Variants in ABCA12 observed in about 807,000 individuals in gnomAD.
ABCA12 encodes glucosylceramide transporter ABCA12.
Under a neutral mutation model 293.5 loss-of-function variants are expected in ABCA12, and 156 were observed. The observed-to-expected ratio is 0.53, with a 90% CI of 0.47 to 0.61. The LOEUF (loss-of-function observed/expected upper bound fraction) is 0.61. Among genes scored for constraint, ABCA12 ranks in the 20% least tolerant of loss-of-function variants. ABCA12 has a pLI of 0.00. For missense variants in ABCA12, 2,797 were observed against 3,090.2 expected (o/e 0.91, Z 2.25); for synonymous variants, 1,063 against 1,108.0 (o/e 0.96, Z 0.81).
chr2:215,088,916 A>G (rs1244477398), intron 2 of ABCA12, among the ~76,000 whole-genome samples: 1 of 152,130 alleles, frequency 6.6e-6, no homozygotes, highest in Admixed American at 6.6e-5. Flanking sequence ...TCATTGATTT[A>G]ACCATTCCAT....
chr2:215,066,408 A>G (rs1235783024), intron 2 of ABCA12, among the ~76,000 whole-genome samples: 1 of 152,120 alleles, frequency 6.6e-6, no homozygotes. Flanking sequence ...GAAAAAAATG[A>G]GACACTCAAG....
intron 9 of ABCA12, chr2:215,030,011 T>C (rs1423606670): frequency 6.6e-6 from 1 of 152,208 alleles, no homozygotes; most frequent in Admixed American, 6.5e-5. Flanking sequence ...ATTTTAAAGC[T>C]GGAATGGAAA....
chr2:214,935,074 G>A (rs962946714), intron 51 of ABCA12, among the ~76,000 whole-genome samples: 1 of 152,126 alleles, frequency 6.6e-6, no homozygotes, highest in Non-Finnish European at 1.5e-5. Context: ...CAGTGCATCA[G>A]ATCATGACCA....
chr2:215,096,911 A>T (rs542619383), intron 2 of ABCA12, among the ~76,000 whole-genome samples: 1 of 152,150 alleles, frequency 6.6e-6, no homozygotes, highest in African/African-American at 2.4e-5. Context: ...CTCATTTCCC[A>T]GTAGAATCTA....
intron 2 of ABCA12, among the ~76,000 whole-genome samples, chr2:215,079,954 C>T (rs1402280811): frequency 1.3e-5 from 2 of 152,086 alleles, no homozygotes. Context: ...TACCATTTAT[C>T]GTATTCCTAA....
intron 1 of ABCA12, among the ~76,000 whole-genome samples, chr2:215,135,845 T>C (rs554052511): frequency 7.2e-5 from 11 of 152,288 alleles, no homozygotes; most frequent in Non-Finnish European, 1.3e-4. Context: ...CATATATCCT[T>C]CCCACACGTG....
intron 8 of ABCA12, among the ~76,000 whole-genome samples, chr2:215,033,664 G>A (rs1205559740): frequency 2.6e-5 from 4 of 152,018 alleles, no homozygotes; most frequent in African/African-American, 4.8e-5. Flanking sequence ...TTCACAGGCC[G>A]GGCACAGTGG....
chr2:215,110,232 T>C (rs553789030), intron 2 of ABCA12, among the ~76,000 whole-genome samples: 50 of 152,256 alleles, frequency 3.3e-4, no homozygotes, highest in South Asian at 6.2e-4. Context: ...CACTGTTGGC[T>C]GGGCGCGGTG....
rs374035247 is a variant in ABCA12, at chr2:214,979,055, T to C, written c.4741-15A>G. 13 of 1,608,758 alleles carry C rather than the reference T, an allele frequency of 8.1e-6. No homozygotes were observed. In the African/African-American group the frequency reaches 1.3e-4, roughly 17 times the overall value. On this transcript the variant is annotated splice_polypyrimidine_tract_variant and intron_variant, in intron 31 of 52. Coordinates refer to ENST00000272895, the MANE Select transcript of ABCA12 (RefSeq NM_173076.3). The stretch of plus-strand genomic sequence containing the variant: ...AAATTTGGACTCTAAGAGAGAAAAG[T>C]AGGAATTAAAACACTCTCCTCTCTT...
chr2:214,974,115 A>C, intron 35 of ABCA12, 73 bp from the exon 36 acceptor site: 1 of 1,346,548 alleles, frequency 7.4e-7, no homozygotes, highest in South Asian at 1.2e-5. Flanking sequence ...GAGCATGTAA[A>C]CAAGTATTTG....
chr2:214,953,812 T>C, intron 44 of ABCA12, 42 bp downstream of exon 44: 1 of 1,603,320 alleles, frequency 6.2e-7, no homozygotes, highest in Admixed American at 1.7e-5. Context: ...TTGAATTGAG[T>C]TCTGTTTTAG....
At chr2:214,937,250 G>C (rs1413687634) in intron 51 of ABCA12, among the ~76,000 whole-genome samples, 2 of 152,166 alleles carry the variant, frequency 1.3e-5, no homozygotes, top group Non-Finnish European at 2.9e-5. Flanking sequence ...CCAGGCTGGA[G>C]TGCAGTGGCA....
At position 215,031,869 on chromosome 2, in the gene ABCA12, C is replaced by T; in HGVS notation, c.1013G>A (p.Trp338Ter). The T allele has an allele frequency of 6.2e-7, 1 of 1,613,972 alleles. No individual in the cohort carries two copies. The highest frequency in any genetic ancestry group is 8.5e-7 in the Non-Finnish European group (1 of 1,179,924). Residue 338 changes from tryptophan (W) to a stop codon, truncating the protein, a stop_gained, in exon 9 of 53, where the codon TGG becomes TAG. Coordinates refer to ENST00000272895, the MANE Select transcript of ABCA12 (RefSeq NM_173076.3). LOFTEE classifies it high-confidence loss of function. ...QGDSDNITHV[W>*]NEDDGQTLSP... ...TAAGGTCTGTCCATCATCCTCATTC[C>T]ACACATGCGTTATATTATCGGAGTC...
chr2:215,069,778 T>A (rs1319392496), intron 2 of ABCA12, among the ~76,000 whole-genome samples: 1 of 152,208 alleles, frequency 6.6e-6, no homozygotes, highest in Non-Finnish European at 1.5e-5. Flanking sequence ...TAGAGTGACT[T>A]CAGCCTAGGG....
At chr2:215,027,751 T>A (rs1559154847) in intron 9 of ABCA12, among the ~76,000 whole-genome samples, 1 of 152,224 alleles carries the variant, frequency 6.6e-6, no homozygotes, top group South Asian at 2.1e-4. Context: ...GGCTAGATGA[T>A]CTGCTAGGTC....
chr2:215,132,586 T>A (rs1041608621), intron 1 of ABCA12, among the ~76,000 whole-genome samples: 18 of 152,022 alleles, frequency 1.2e-4, no homozygotes, highest in Non-Finnish European at 2.5e-4. Context: ...TCCATTTGTG[T>A]GATATATCTT....
At chr2:215,076,313 C>A (rs572735071) in intron 2 of ABCA12, among the ~76,000 whole-genome samples, 3 of 152,266 alleles carry the variant, frequency 2.0e-5, no homozygotes, top group East Asian at 3.9e-4. Flanking sequence ...GGAAAAATAG[C>A]AGACAAAAAT....
In ABCA12 at chr2:215,073,470, C is replaced by T. The variant is rs141047976; in HGVS notation, c.164-9251G>A. ...GGGCAGGTCTGAATTAAGCTGGGTACGCATACACTGGGTATGACCGTGCTG... is the reference window on the plus strand; with the variant it reads ...GGGCAGGTCTGAATTAAGCTGGGTATGCATACACTGGGTATGACCGTGCTG... On this transcript the variant is annotated intron_variant, in intron 2 of 52. Transcript: ENST00000272895. Among the ~76,000 whole-genome samples, 1,390 of 152,048 alleles carry T rather than the reference C, an allele frequency of 9.1e-3. 13 individuals carry two copies. The highest frequency in any genetic ancestry group is 0.031 in the African/African-American group (1,292 of 41,482).
At chr2:215,040,716 G>T (rs1447105570) in intron 7 of ABCA12, among the ~76,000 whole-genome samples, 2 of 152,176 alleles carry the variant, frequency 1.3e-5, no homozygotes, top group Non-Finnish European at 2.9e-5. Flanking sequence ...GGAGGCTGAA[G>T]CAGGAGAATT....
Sources: gnomAD v4.1 joint callset for allele counts (sites outside exome capture counted in the v4.1 genomes callset) on GRCh38, gnomAD v4.1.1 for gene constraint, MANE v1.5 for transcripts, NCBI Gene and HGNC (gene_info 2026-07-23, HGNC 2026-07-21) for gene names.